UNC79: variants seen among roughly 807,000 people sequenced by gnomAD.
The protein encoded by UNC79 is protein unc-79 homolog.
In UNC79, 37 loss-of-function variants were observed where a neutral mutation model predicts 283.1. The observed-to-expected ratio is 0.13, with a 90% CI of 0.10 to 0.17. The LOEUF is 0.17. Ranked by LOEUF, UNC79 falls within the 10% of genes least tolerant of loss-of-function variation. The pLI is 1.00. For missense variants in UNC79, 2,272 were observed against 3,211.1 expected (o/e 0.71, Z 7.07); for synonymous variants, 1,107 against 1,200.2 (o/e 0.92, Z 1.61).
chr14:93,482,359 C>T, intron 4 of UNC79, among the ~76,000 whole-genome samples: 1 of 152,144 alleles, frequency 6.6e-6, no homozygotes, highest in Non-Finnish European at 1.5e-5. Flanking sequence ...CATGACTTTT[C>T]ATTAATCTAT....
At chr14:93,487,852 CATCA>C in intron 5 of UNC79, 97 bp downstream of exon 5, 1 of 1,152,376 alleles carries the variant, frequency 8.7e-7, no homozygotes, top group Non-Finnish European at 1.2e-6. Context: ...AGAACGTCAT[CATCA>C]TAGAGATGTG....
rs370907594 is a variant in UNC79, at chr14:93,376,603, C to T, written c.-351+43080C>T. ...AGAACAGTTCATGAATTGAGCAGCA[C>T]TTGGAACCAGAAGAGGTTCAGAGAG... is the stretch of plus-strand genomic sequence containing the variant. On this transcript the variant is annotated intron_variant, in intron 1 of 49. Transcript: ENST00000256339. 2.6e-4 allele frequency among the ~76,000 whole-genome samples: 39 copies of T among 152,224 alleles called. No homozygotes were observed. The East Asian group carries it at 4.8e-3, about 19-fold the overall frequency.
At chr14:93,347,102 G>C (rs1205505148) in intron 1 of UNC79, 2 of 653,492 alleles carry the variant, frequency 3.1e-6, no homozygotes, top group Non-Finnish European at 5.0e-6. Context: ...GCGGGGCAGA[G>C]CAGGAGGTGC....
intron 1 of UNC79, among the ~76,000 whole-genome samples, chr14:93,404,971 A>G (rs1698218767): frequency 1.3e-5 from 2 of 152,130 alleles, no homozygotes; most frequent in South Asian, 4.1e-4. Context: ...ATGAGGCTGC[A>G]ATATATTAAT....
intron 7 of UNC79, among the ~76,000 whole-genome samples, chr14:93,505,570 A>T (rs1595681463): frequency 6.6e-6 from 1 of 152,188 alleles, no homozygotes; most frequent in East Asian, 1.9e-4. Context: ...TCTTGTAATC[A>T]GCATATAGTT....
chr14:93,496,482 A>G lies in UNC79; in HGVS notation c.768+16A>G. On this transcript the variant is annotated intron_variant, in intron 6 of 48. Coordinates refer to ENST00000555664, the Ensembl canonical transcript of UNC79. ...AGTCTGGAAAGTAAGTTTTGGGTCA[A>G]ATTTAACCCATAGTCACAAACTTAA... 1 of 1,519,222 alleles carries G rather than the reference A, an allele frequency of 6.6e-7. No individual in the cohort carries two copies. Among genetic ancestry groups the G allele is most frequent in the South Asian group, 1.4e-5 (1 of 74,006 alleles). The allele number at this position is 1,519,222 out of a possible 1,614,324, so 94.1% of individuals were successfully genotyped here. A position where few individuals can be genotyped will look rare whatever the true frequency, so the allele number is the denominator to read the frequency against.
At chr14:93,659,086 A>G in intron 38 of UNC79, 107 bp from the exon 42 acceptor site, 5 of 811,424 alleles carry the variant, frequency 6.2e-6, no homozygotes, top group Non-Finnish European at 9.5e-6. Flanking sequence ...ATGCAGTCAT[A>G]TTTCAGATTT....
rs576139607 is a variant in UNC79 at position 93,704,514 on chromosome 14, C to T, written c.7549-111C>T. 1.7e-4 allele frequency: 216 copies of T among 1,243,138 alleles called. 1 individual carries two copies. The highest frequency in any genetic ancestry group is 1.4e-3 in the South Asian group (113 of 81,662). The allele number at this position is 1,243,138 out of a possible 1,614,324, so 77.0% of individuals were successfully genotyped here. On this transcript the variant is annotated intron_variant, in intron 47 of 48. Coordinates refer to ENST00000555664, the Ensembl canonical transcript of UNC79. ...GTAGCCCTGCAGCAGGGCCCACATCCGTGCGCGACGTGAAAGGGATTCAAT... is the reference window on the plus strand; with the variant it reads ...GTAGCCCTGCAGCAGGGCCCACATCTGTGCGCGACGTGAAAGGGATTCAAT...
chr14:93,618,496 C>T (rs2066894658), intron 29 of UNC79, 142 bp downstream of exon 30: 1 of 968,136 alleles, frequency 1.0e-6, no homozygotes, highest in Admixed American at 3.6e-5. Context: ...TCCAACTTTC[C>T]ATGAATGTTG....
At chr14:93,552,664 G>A (rs923812516) in intron 14 of UNC79, among the ~76,000 whole-genome samples, 5 of 151,966 alleles carry the variant, frequency 3.3e-5, no homozygotes, top group South Asian at 2.1e-4. Flanking sequence ...GATTATTTGC[G>A]TGAAGTGCAG....
intron 31 of UNC79, among the ~76,000 whole-genome samples, chr14:93,633,823 A>G (rs1297942745): frequency 6.6e-6 from 1 of 152,218 alleles, no homozygotes; most frequent in Non-Finnish European, 1.5e-5. Context: ...TAAAAATGTT[A>G]CCACTTTTTA....
chr14:93,350,416 GTAAAA>G (rs1162920381), intron 1 of UNC79, among the ~76,000 whole-genome samples: 2 of 151,996 alleles, frequency 1.3e-5, no homozygotes, highest in Non-Finnish European at 2.9e-5. Flanking sequence ...TTGTCTTAAA[GTAAAA>G]TAACTGGTTA....
At chr14:93,392,453 A>G (rs1418960359) in intron 1 of UNC79, among the ~76,000 whole-genome samples, 1 of 152,220 alleles carries the variant, frequency 6.6e-6, no homozygotes, top group Non-Finnish European at 1.5e-5. Flanking sequence ...TTAAAAATTT[A>G]TTACACATTA....
intron 1 of UNC79, among the ~76,000 whole-genome samples, chr14:93,460,935 A>C (rs935810203): frequency 1.3e-5 from 2 of 152,222 alleles, no homozygotes; most frequent in African/African-American, 4.8e-5. Flanking sequence ...AAAACACCCC[A>C]AAATCTCACA....
intron 1 of UNC79, among the ~76,000 whole-genome samples, chr14:93,391,830 GA>G (rs1595421858): frequency 6.6e-6 from 1 of 152,104 alleles, no homozygotes; most frequent in Non-Finnish European, 1.5e-5. Flanking sequence ...TCACAAAGAG[GA>G]TATCCAAATG....
At chr14:93,459,510 A>T (rs2140206398) in intron 1 of UNC79, among the ~76,000 whole-genome samples, 1 of 152,324 alleles carries the variant, frequency 6.6e-6, no homozygotes, top group Non-Finnish European at 1.5e-5. Context: ...ATTTCATGCT[A>T]AATCTGTATC....
intron 41 of UNC79, 41 bp downstream of exon 44, chr14:93,673,496 A>G (rs981001398): frequency 1.9e-6 from 3 of 1,575,024 alleles, no homozygotes; most frequent in African/African-American, 1.4e-5. Context: ...CATGAGATCC[A>G]TGTATGTTTG....
chr14:93,450,380 G>C (rs1302701601), intron 1 of UNC79, among the ~76,000 whole-genome samples: 1 of 152,110 alleles, frequency 6.6e-6, no homozygotes, highest in East Asian at 1.9e-4. Context: ...AGCATGGTCT[G>C]GGGTTCTTGG....
chr14:93,579,223 T>C (rs117493461), intron 18 of UNC79, among the ~76,000 whole-genome samples: 187 of 152,356 alleles, frequency 1.2e-3, no homozygotes, highest in Non-Finnish European at 2.0e-3. Context: ...ATGATAACTT[T>C]GGTCACCTTA....
Sources: allele counts gnomAD v4.1 joint callset (sites outside exome capture counted in the v4.1 genomes callset), GRCh38; gene constraint gnomAD v4.1.1; transcripts MANE v1.5; gene names NCBI Gene and HGNC (gene_info 2026-07-23, HGNC 2026-07-21).